Variants in UNC80 observed in about 807,000 individuals in gnomAD.
UNC80 encodes the protein protein unc-80 homolog.
Under a neutral mutation model 384.6 loss-of-function variants are expected in UNC80, and 164 were observed. That is an observed-to-expected ratio of 0.43 (90% confidence interval 0.38 to 0.49). The LOEUF is 0.49. UNC80 is among the 20% of genes least tolerant of loss of function. The pLI, the probability that UNC80 is intolerant of heterozygous loss-of-function variation, is 0.00. For missense variants in UNC80, 3,330 were observed against 4,143.0 expected (o/e 0.80, Z 5.39); for synonymous variants, 1,486 against 1,527.8 (o/e 0.97, Z 0.64).
intron 11 of UNC80, 58 bp from the exon 12 acceptor site, chr2:209,818,935 C>G: frequency 6.6e-7 from 1 of 1,507,878 alleles, no homozygotes; most frequent in Non-Finnish European, 8.9e-7. Context: ...GTATAACTGT[C>G]TAACTGGTAT....
chr2:209,959,617 A>C lies in UNC80; in HGVS notation c.7715A>C (p.His2572Pro). 6.4e-7 allele frequency: 1 copy of C among 1,551,702 alleles called. No homozygotes were observed. The highest frequency in any genetic ancestry group is 8.7e-7 in the Non-Finnish European group (1 of 1,146,978). The change falls in exon 51 of 65, where the codon CAC becomes CCC. Residue 2572 changes from histidine (H) to proline (P), a missense_variant. Physicochemically the swap from His to Pro is moderately conservative, Grantham distance 77. Around this residue, in one of 8 missense-constraint regions of UNC80, gnomAD observed 1,049 missense variants for 1,488.6 expected, o/e 0.70. Transcript: ENST00000673920. ...AATATTTGCACTGAGTTCTATAAGC[A>C]CTGTGGGCCACGGCTGAAGATCTTG... ...LLNICTEFYK[H>P]CGPRLKILQN...
intron 3 of UNC80, 82 bp downstream of exon 3, chr2:209,776,127 T>A: frequency 6.5e-7 from 1 of 1,536,562 alleles, no homozygotes; most frequent in East Asian, 2.3e-5. Context: ...TACTGAGTAG[T>A]TTCTGTTTTC....
Position 209,840,451 on chromosome 2 carries a change from T to C in UNC80, c.3251-91T>C, listed in dbSNP as rs1489684837. On this transcript the variant is annotated intron_variant, in intron 19 of 64. Coordinates refer to ENST00000673920, the MANE Select transcript of UNC80 (RefSeq NM_001371986.1). Reference sequence around the variant, plus strand: ...TCTATTTATACCAAGCCATGTAACTTTCATCGCTTGTTGGGCTTATGTTGA... The same window carrying C: ...TCTATTTATACCAAGCCATGTAACTCTCATCGCTTGTTGGGCTTATGTTGA... 4.6e-6 allele frequency: 5 copies of C among 1,081,072 alleles called. No individual in the cohort carries two copies. The East Asian group carries it at 1.0e-4, about 22-fold the overall frequency. The allele number at this position is 1,081,072 out of a possible 1,614,324, so 67.0% of individuals were successfully genotyped here. A position where few individuals can be genotyped will look rare whatever the true frequency, so the allele number is the denominator to read the frequency against.
chr2:209,861,532 G>C (rs564227575), intron 22 of UNC80, among the ~76,000 whole-genome samples: 1 of 152,282 alleles, frequency 6.6e-6, no homozygotes, highest in South Asian at 2.1e-4. Context: ...TTGGTATCAG[G>C]ATGATGCTGG....
At chr2:209,899,512 G>A (rs2087155123) in intron 28 of UNC80, among the ~76,000 whole-genome samples, 2 of 152,096 alleles carry the variant, frequency 1.3e-5, no homozygotes, top group African/African-American at 4.8e-5. Context: ...AAGCACCGGG[G>A]CTCTAGTTGA....
chr2:209,940,507 C>T (rs2091555165), intron 43 of UNC80, among the ~76,000 whole-genome samples: 1 of 152,096 alleles, frequency 6.6e-6, no homozygotes, highest in South Asian at 2.1e-4. Flanking sequence ...TATGTTTTAT[C>T]GCCCTCATCC....
chr2:209,789,616 T>TATAATC lies in UNC80; in HGVS notation c.798+16_798+21dup. The TATAATC allele has an allele frequency of 6.3e-7, 1 of 1,599,198 alleles. No individual in the cohort carries two copies. The highest frequency in any genetic ancestry group is 8.6e-7 in the Non-Finnish European group (1 of 1,167,004). On this transcript the variant is annotated intron_variant, in intron 6 of 64. Coordinates refer to ENST00000673920, the MANE Select transcript of UNC80 (RefSeq NM_001371986.1). ...GCAAGACACTTAGAGGTTAGTTTAT[T>TATAATC]ATAATCATAAGAAGAAGGGAGGCAG...
chr2:209,820,562 A>G lies in UNC80; in HGVS notation c.2214A>G (p.Gly738=). The change falls in exon 13 of 65, where the codon GGA becomes GGG. Residue 738 remains glycine (G), a synonymous_variant. Transcript: ENST00000673920. ...GAGGCCCTGCTGTTAGTGGAGCTGG[A>G]GATGGTGGAGGAGAAGAAGGAGGAG... is the stretch of plus-strand genomic sequence containing the variant. ...GFGGPAVSGA[G]DGGGEEGGGG... 2 of 1,551,418 alleles carry G rather than the reference A, an allele frequency of 1.3e-6. No homozygotes were observed. The highest frequency in any genetic ancestry group is 1.7e-6 in the Non-Finnish European group (2 of 1,146,934).
chr2:209,810,255 A>G (rs1352666763), intron 7 of UNC80, among the ~76,000 whole-genome samples: 1 of 152,132 alleles, frequency 6.6e-6, no homozygotes, highest in East Asian at 1.9e-4. Flanking sequence ...GGTCTGCCCA[A>G]TGTATCTCCC....
rs548383154 is a variant in UNC80, at chr2:209,819,128, A to T, written c.1829A>T (p.His610Leu). 3.9e-6 allele frequency: 6 copies of T among 1,552,142 alleles called. No homozygotes were observed. The highest frequency in any genetic ancestry group is 1.2e-5 in the South Asian group (1 of 84,066). ...CAGGTGCCTATCCCGGAGATGCCAC[A>T]TGAACCTCTGGCATGTGCTAACCTA... is the stretch of plus-strand genomic sequence containing the variant. Reference protein sequence around the residue: ...CNQVPIPEMPHEPLACANLPR... With the variant: ...CNQVPIPEMPLEPLACANLPR... Residue 610 changes from histidine to leucine, a missense_variant, in exon 12 of 65, where the codon CAT (histidine) becomes CTT (leucine). Physicochemically the swap from His to Leu is moderately conservative, Grantham distance 99. Transcript: ENST00000673920.
chr2:209,824,775 G>A (rs935652354), intron 13 of UNC80, among the ~76,000 whole-genome samples: 4 of 152,020 alleles, frequency 2.6e-5, no homozygotes, highest in Non-Finnish European at 5.9e-5. Flanking sequence ...CCTTATCATA[G>A]TAAGGCCCAT....
chr2:209,849,941 A>G (rs78054579), intron 22 of UNC80, among the ~76,000 whole-genome samples: 3,417 of 152,138 alleles, frequency 0.022, 128 homozygotes, highest in African/African-American at 0.078. Flanking sequence ...TCCTCGGGCT[A>G]GTGCGAAAAC....
intron 52 of UNC80, 95 bp downstream of exon 52, chr2:209,967,732 A>T: frequency 7.7e-7 from 1 of 1,301,876 alleles, no homozygotes. Flanking sequence ...AGTTGAATGG[A>T]TGACTTGAAA....
chr2:209,945,305 A>C (rs1023828509), intron 46 of UNC80, 116 bp downstream of exon 46: 1 of 1,078,392 alleles, frequency 9.3e-7, no homozygotes, highest in Non-Finnish European at 1.3e-6. Flanking sequence ...TAACTAAATC[A>C]AAGTAGCAAA....
intron 22 of UNC80, among the ~76,000 whole-genome samples, chr2:209,868,216 C>A (rs773919293): frequency 2.1e-4 from 32 of 152,138 alleles, no homozygotes; most frequent in South Asian, 4.1e-4. Context: ...TACTAAGACC[C>A]CAAATAACTG....
intron 44 of UNC80, among the ~76,000 whole-genome samples, chr2:209,942,936 A>C (rs1034232493): frequency 6.6e-6 from 1 of 152,156 alleles, no homozygotes; most frequent in African/African-American, 2.4e-5. Flanking sequence ...TATAACACTA[A>C]GAATATCATA....
chr2:209,973,396 G>C (rs1322726905), intron 56 of UNC80, 126 bp downstream of exon 56: 10 of 962,626 alleles, frequency 1.0e-5, no homozygotes, highest in Non-Finnish European at 1.5e-5. Context: ...ACTTAACTCA[G>C]AAAGAATTTA....
intron 7 of UNC80, chr2:209,809,373 G>A (rs1332105516): frequency 1.0e-6 from 1 of 982,758 alleles, no homozygotes; most frequent in Non-Finnish European, 1.6e-6. Flanking sequence ...GGCTGCTGCG[G>A]GGCCATGTCC....
In UNC80 at chr2:209,978,671, G is replaced by A. The variant is rs1468587582; in HGVS notation, c.9081G>A (p.Gln3027=). ...QDSEPSQQAS[Q]DTLSRTDEED... is the part of the protein sequence containing the mutation. ...GTGAGCCATCCCAGCAGGCTTCGCA[G>A]GACACCCTGAGTCGGACTGATGAGG... The change falls in exon 59 of 65, where the codon CAG becomes CAA. Residue 3027 remains glutamine (Q), a synonymous_variant. Coordinates refer to ENST00000673920, the MANE Select transcript of UNC80 (RefSeq NM_001371986.1). 2.6e-6 allele frequency: 4 copies of A among 1,549,152 alleles called. No individual in the cohort carries two copies. Among genetic ancestry groups the A allele is most frequent in the Non-Finnish European group, 2.6e-6 (3 of 1,145,098 alleles).
Sources: gnomAD v4.1 joint callset for allele counts (sites outside exome capture counted in the v4.1 genomes callset) on GRCh38, gnomAD v4.1.1 for gene constraint, gnomAD v4.1.1 regional missense constraint, MANE v1.5 for transcripts, NCBI Gene and HGNC (gene_info 2026-07-23, HGNC 2026-07-21) for gene names.